KIF26B: variants seen among roughly 807,000 people sequenced by gnomAD.
KIF26B encodes the protein kinesin family member 26B.
Under a neutral mutation model 151.2 loss-of-function variants are expected in KIF26B, and 63 were observed. That is an observed-to-expected ratio of 0.42 (90% CI 0.34 to 0.51). The LOEUF is 0.51. Ranked by LOEUF, KIF26B falls within the 20% of genes least tolerant of loss-of-function variation. The pLI is 0.07. For synonymous variants in KIF26B, 1,357 were observed against 1,262.1 expected, an observed-to-expected ratio of 1.08 and a Z score of -1.59; for missense variants, 2,813 against 2,913.6, an observed-to-expected ratio of 0.97 and a Z score of 0.79.
chr1:245,315,893 G>T (rs989750083), intron 2 of KIF26B, among the ~76,000 whole-genome samples: 18 of 152,028 alleles, frequency 1.2e-4, no homozygotes, highest in Non-Finnish European at 2.6e-4. Flanking sequence ...AGTAAAAAAT[G>T]GTTCAAATGG....
At chr1:245,171,394 G>A (rs963992440) in intron 2 of KIF26B, among the ~76,000 whole-genome samples, 6 of 152,020 alleles carry the variant, frequency 3.9e-5, no homozygotes, top group Admixed American at 1.3e-4. Context: ...ATACAAAAAA[G>A]TTAGCTGGGT....
intron 5 of KIF26B, among the ~76,000 whole-genome samples, chr1:245,546,263 C>T (rs1484698433): frequency 6.6e-6 from 1 of 152,096 alleles, no homozygotes; most frequent in Admixed American, 6.5e-5. Context: ...GTTGCCCAGG[C>T]TGGAGTGCAA....
chr1:245,621,344 G>A (rs1189758399), intron 9 of KIF26B, among the ~76,000 whole-genome samples: 4 of 152,142 alleles, frequency 2.6e-5, no homozygotes, highest in African/African-American at 4.8e-5. Context: ...TTCCTTATAT[G>A]TAAAATGGGG....
intron 3 of KIF26B, among the ~76,000 whole-genome samples, chr1:245,388,746 A>G (rs1054303871): frequency 1.3e-5 from 2 of 152,190 alleles, no homozygotes; most frequent in African/African-American, 4.8e-5. Context: ...ATTTGTCTAC[A>G]ATTGTATCTC....
At chr1:245,162,252 G>A (rs1668543635) in intron 2 of KIF26B, among the ~76,000 whole-genome samples, 1 of 152,088 alleles carries the variant, frequency 6.6e-6, no homozygotes, top group Non-Finnish European at 1.5e-5. Context: ...GCAGTCACAA[G>A]CTATTCATCA....
At chr1:245,435,449 T>G (rs960321590) in intron 4 of KIF26B, among the ~76,000 whole-genome samples, 1 of 152,204 alleles carries the variant, frequency 6.6e-6, no homozygotes, top group Non-Finnish European at 1.5e-5. Flanking sequence ...AGAAATGGTC[T>G]TATTGGTTCA....
At chr1:245,459,133 C>G (rs766758079) in intron 4 of KIF26B, among the ~76,000 whole-genome samples, 16 of 152,220 alleles carry the variant, frequency 1.1e-4, no homozygotes, top group Non-Finnish European at 1.2e-4. Flanking sequence ...AAGAGGAAGT[C>G]CCTTCAGCAG....
chr1:245,433,187 C>T (rs1043344713), intron 4 of KIF26B, among the ~76,000 whole-genome samples: 2 of 152,016 alleles, frequency 1.3e-5, no homozygotes, highest in South Asian at 2.1e-4. Context: ...GCTATGGAGC[C>T]GTGTGCGGCG....
intron 2 of KIF26B, among the ~76,000 whole-genome samples, chr1:245,314,929 C>A (rs1199238424): frequency 6.6e-6 from 1 of 152,140 alleles, no homozygotes; most frequent in Non-Finnish European, 1.5e-5. Context: ...GCCTGTAATC[C>A]CAGCACTTTG....
intron 2 of KIF26B, among the ~76,000 whole-genome samples, chr1:245,274,415 C>T (rs1670905942): frequency 6.6e-6 from 1 of 152,054 alleles, no homozygotes; most frequent in South Asian, 2.1e-4. Context: ...TGATGTTCCC[C>T]TCCCTGTGTC....
intron 2 of KIF26B, among the ~76,000 whole-genome samples, chr1:245,192,815 G>C (rs886804081): frequency 6.6e-6 from 1 of 152,218 alleles, no homozygotes; most frequent in African/African-American, 2.4e-5. Context: ...GCAGGTGCAC[G>C]TGTCCCGTTC....
At chr1:245,483,067 G>A (rs1660203495) in intron 4 of KIF26B, among the ~76,000 whole-genome samples, 1 of 151,734 alleles carries the variant, frequency 6.6e-6, no homozygotes, top group African/African-American at 2.4e-5. Flanking sequence ...TTTGGAAGTT[G>A]GGGAAGCAGG....
chr1:245,294,344 C>T (rs901387506), intron 2 of KIF26B, among the ~76,000 whole-genome samples: 1 of 152,208 alleles, frequency 6.6e-6, no homozygotes, highest in Non-Finnish European at 1.5e-5. Context: ...TCTAACTATA[C>T]AGGACAATCC....
chr1:245,299,927 C>T (rs1465436436), intron 2 of KIF26B, among the ~76,000 whole-genome samples: 1 of 152,146 alleles, frequency 6.6e-6, no homozygotes, highest in East Asian at 1.9e-4. Flanking sequence ...TCAGAGATTG[C>T]GAGGAGAGGC....
At chr1:245,559,254 C>T (rs1358284067) in intron 5 of KIF26B, among the ~76,000 whole-genome samples, 1 of 152,210 alleles carries the variant, frequency 6.6e-6, no homozygotes, top group Non-Finnish European at 1.5e-5. Context: ...AGGAGAATCA[C>T]TTGAGCCCGG....
chr1:245,165,759 A>C (rs901664823), intron 2 of KIF26B, among the ~76,000 whole-genome samples: 1 of 152,196 alleles, frequency 6.6e-6, no homozygotes, highest in African/African-American at 2.4e-5. Flanking sequence ...GCTTCAGGGC[A>C]TAGGGGTGAC....
chr1:245,471,119 G>T (rs1659903510), intron 4 of KIF26B, among the ~76,000 whole-genome samples: 1 of 141,746 alleles, frequency 7.1e-6, no homozygotes, highest in African/African-American at 2.6e-5. Flanking sequence ...GATAGTATGT[G>T]TGTGTGTGTG....
chr1:245,178,748 G>A (rs561076380), intron 2 of KIF26B, among the ~76,000 whole-genome samples: 1 of 152,108 alleles, frequency 6.6e-6, no homozygotes, highest in Non-Finnish European at 1.5e-5. Flanking sequence ...GACTGCCCGT[G>A]TCAAGCCTGG....
At chr1:245,439,346 C>CAAAAAAAAAAAAAAAA (rs777808376) in intron 4 of KIF26B, among the ~76,000 whole-genome samples, 1 of 131,736 alleles carries the variant, frequency 7.6e-6, no homozygotes. Flanking sequence ...GACCCTGTCT[C>CAAAAAAAAAAAAAAAA]AAAAAAAAAA....
Sources: allele counts gnomAD v4.1 joint callset (sites outside exome capture counted in the v4.1 genomes callset), GRCh38; gene constraint gnomAD v4.1.1; transcripts MANE v1.5; gene names NCBI Gene and HGNC (gene_info 2026-07-23, HGNC 2026-07-21).